NTF3: variants seen among roughly 807,000 people sequenced by gnomAD.
NTF3 encodes neurotrophin-3.
In NTF3, 8 loss-of-function variants were observed where a neutral mutation model predicts 26.3. The ratio of observed to expected loss-of-function variants is 0.30; its 90% confidence interval spans 0.18 to 0.55. The LOEUF is 0.55. Ranked by LOEUF, NTF3 falls within the 20% of genes least tolerant of loss-of-function variation. The pLI, the probability that NTF3 is intolerant of heterozygous loss-of-function variation, is 0.93. For synonymous variants in NTF3, 154 were observed against 145.5 expected, an observed-to-expected ratio of 1.06 and a Z score of -0.42; for missense variants, 276 against 352.9, an observed-to-expected ratio of 0.78 and a Z score of 1.75.
chr12:5,432,211 C>T lies in NTF3; in HGVS notation c.-114C>T. On this transcript the variant is annotated 5_prime_UTR_variant, in exon 1 of 2. Coordinates refer to ENST00000423158, the MANE Select transcript of NTF3 (RefSeq NM_001102654.2). ...TCTCTCTCCTTTCTTTCTTCCTCTCCTTTTTCCCCTGCTGGGTAGTGGCTG... is the reference window on the plus strand; with the variant it reads ...TCTCTCTCCTTTCTTTCTTCCTCTCTTTTTTCCCCTGCTGGGTAGTGGCTG... The T allele has an allele frequency of 8.2e-7, 1 of 1,221,812 alleles. No homozygotes were observed. Among genetic ancestry groups the T allele is most frequent in the Non-Finnish European group, 1.2e-6 (1 of 826,388 alleles). 75.7% of individuals were successfully genotyped at this position (1,221,812 alleles called of 1,614,324 possible).
intron 1 of NTF3, among the ~76,000 whole-genome samples, chr12:5,442,925 T>C (rs1940257282): frequency 6.6e-6 from 1 of 151,852 alleles, no homozygotes; most frequent in African/African-American, 2.4e-5. Context: ...ACAGTGTAGA[T>C]TTGCAGAGAA....
intron 1 of NTF3, among the ~76,000 whole-genome samples, chr12:5,443,658 G>A (rs1460724219): frequency 6.6e-6 from 1 of 152,178 alleles, no homozygotes. Context: ...TTCATTCCAT[G>A]ATTGTTTTTA....
chr12:5,453,002 T>C (rs1269673621), intron 1 of NTF3, among the ~76,000 whole-genome samples: 6 of 152,182 alleles, frequency 3.9e-5, no homozygotes, highest in Non-Finnish European at 1.5e-5. Context: ...GCTGGCCAGG[T>C]GACTGAGTAA....
At chr12:5,468,284 C>G (rs957248209) in intron 1 of NTF3, among the ~76,000 whole-genome samples, 1 of 152,128 alleles carries the variant, frequency 6.6e-6, no homozygotes, top group African/African-American at 2.4e-5. Flanking sequence ...TTCCACCGTG[C>G]CTGTAATTAC....
At chr12:5,475,774 TGCA>T (rs1940714799) in intron 1 of NTF3, among the ~76,000 whole-genome samples, 1 of 151,596 alleles carries the variant, frequency 6.6e-6, no homozygotes, top group African/African-American at 2.4e-5. Flanking sequence ...AGGTCGGGGC[TGCA>T]GTGAGCTGTG....
intron 1 of NTF3, among the ~76,000 whole-genome samples, chr12:5,481,373 GAC>G (rs1464290890): frequency 7.9e-5 from 8 of 101,498 alleles, no homozygotes; most frequent in Admixed American, 6.9e-4. Context: ...TACACACGCA[GAC>G]ACACACACCA....
intron 1 of NTF3, among the ~76,000 whole-genome samples, chr12:5,449,945 A>G (rs10849272): frequency 0.11 from 16,642 of 152,144 alleles, 2,094 homozygotes; most frequent in East Asian, 0.44. Flanking sequence ...ACTTCTGGGA[A>G]GTTTTTTCTT....
chr12:5,478,536 T>C (rs561220535), intron 1 of NTF3, among the ~76,000 whole-genome samples: 2 of 152,264 alleles, frequency 1.3e-5, no homozygotes, highest in South Asian at 4.1e-4. Flanking sequence ...TCATGGCTCA[T>C]ACGGGCCTGC....
At chr12:5,464,461 AT>A (rs1449475431) in intron 1 of NTF3, among the ~76,000 whole-genome samples, 2 of 152,214 alleles carry the variant, frequency 1.3e-5, no homozygotes, top group Non-Finnish European at 2.9e-5. Context: ...GTTGTGTGAA[AT>A]AAACCCATCA....
At chr12:5,472,359 G>C (rs1025679019) in intron 1 of NTF3, among the ~76,000 whole-genome samples, 1 of 152,150 alleles carries the variant, frequency 6.6e-6, no homozygotes, top group African/African-American at 2.4e-5. Flanking sequence ...TTTGTCATTA[G>C]AAAAATTATT....
At chr12:5,439,404 T>A (rs1940210880) in intron 1 of NTF3, among the ~76,000 whole-genome samples, 1 of 152,212 alleles carries the variant, frequency 6.6e-6, no homozygotes, top group African/African-American at 2.4e-5. Flanking sequence ...GCTAGTCAGA[T>A]TCTGTTTTTT....
chr12:5,452,148 G>A (rs1469859508), intron 1 of NTF3, among the ~76,000 whole-genome samples: 1 of 148,448 alleles, frequency 6.7e-6, no homozygotes, highest in Non-Finnish European at 1.5e-5. Flanking sequence ...CGGGCTGGAA[G>A]GCAGTGGCGC....
chr12:5,483,922 A>G (rs527874911), intron 1 of NTF3, among the ~76,000 whole-genome samples: 1 of 152,358 alleles, frequency 6.6e-6, no homozygotes, highest in South Asian at 2.1e-4. Flanking sequence ...ATGGTGCTAC[A>G]CAGACACTTG....
Position 5,475,680 on chromosome 12 carries a change from CA to C in NTF3, c.19-18507del, listed in dbSNP as rs560792210. The stretch of plus-strand genomic sequence containing the variant: ...CAAAACCCCATCTCTACAAAAAATA[CA>C]AAAAAATAGCTGGGCTTGTGGTGCA... On this transcript the variant is annotated intron_variant, in intron 1 of 1. Transcript: ENST00000423158. Among the ~76,000 whole-genome samples the C allele has an allele frequency of 9.2e-5, 14 of 151,728 alleles. No individual in the cohort carries two copies. The South Asian group carries it at 2.9e-3, about 32-fold the overall frequency.
upstream of NTF3, among the ~76,000 whole-genome samples, chr12:5,431,377 G>T (rs1012135246): frequency 6.6e-6 from 1 of 152,174 alleles, no homozygotes; most frequent in African/African-American, 2.4e-5. Flanking sequence ...TCAAGCTCCC[G>T]CAAACACGCG....
At chr12:5,472,505 G>A (rs1460081937) in intron 1 of NTF3, among the ~76,000 whole-genome samples, 4 of 152,038 alleles carry the variant, frequency 2.6e-5, no homozygotes, top group African/African-American at 4.8e-5. Flanking sequence ...TATGACATTC[G>A]GGACCTCCAC....
chr12:5,489,833 G>T (rs1940911817), intron 1 of NTF3, among the ~76,000 whole-genome samples: 1 of 152,176 alleles, frequency 6.6e-6, no homozygotes, highest in African/African-American at 2.4e-5. Context: ...CATGTCAGCT[G>T]CTTCTTGAAT....
At chr12:5,431,944 G>A (rs562272347), upstream of NTF3, among the ~76,000 whole-genome samples, 1 of 147,862 alleles carries the variant, frequency 6.8e-6, no homozygotes, top group African/African-American at 2.5e-5. Flanking sequence ...TCCCCGCCAC[G>A]GGTCCCGAAG....
intron 1 of NTF3, among the ~76,000 whole-genome samples, chr12:5,463,895 CT>C (rs1324399529): frequency 3.3e-5 from 5 of 152,160 alleles, no homozygotes. Flanking sequence ...TGAATTATGT[CT>C]TGGCATAATA....
Sources: gnomAD v4.1 joint callset for allele counts (sites outside exome capture counted in the v4.1 genomes callset) on GRCh38, gnomAD v4.1.1 for gene constraint, MANE v1.5 for transcripts, NCBI Gene and HGNC (gene_info 2026-07-23, HGNC 2026-07-21) for gene names.